SBF2: variants seen among roughly 807,000 people sequenced by gnomAD.
SBF2 encodes SET binding factor 2, also known as myotubularin-related protein 13.
In SBF2, 112 loss-of-function variants were observed where a neutral mutation model predicts 225.2. The observed-to-expected ratio is 0.50, with a 90% CI of 0.43 to 0.58. The LOEUF is 0.58. Ranked by LOEUF, SBF2 falls within the 20% of genes least tolerant of loss-of-function variation. The pLI is 0.00. For synonymous variants in SBF2, 763 were observed against 773.3 expected (o/e 0.99, Z 0.22); for missense variants, 1,996 against 2,206.2 (o/e 0.90, Z 1.91).
At chr11:9,988,529 G>C (rs1465179808) in intron 13 of SBF2, among the ~76,000 whole-genome samples, 1 of 152,002 alleles carries the variant, frequency 6.6e-6, no homozygotes, top group Non-Finnish European at 1.5e-5. Context: ...CGACTATCCA[G>C]AATCTACAAC....
chr11:9,937,293 A>G (rs1219108364), intron 16 of SBF2, among the ~76,000 whole-genome samples: 1 of 152,198 alleles, frequency 6.6e-6, no homozygotes, highest in Non-Finnish European at 1.5e-5. Context: ...GAAAAGATAA[A>G]GTTTTGTGGG....
intron 3 of SBF2, among the ~76,000 whole-genome samples, chr11:10,037,126 G>A (rs1301082108): frequency 6.6e-6 from 1 of 152,102 alleles, no homozygotes; most frequent in Non-Finnish European, 1.5e-5. Flanking sequence ...TTAAGATTCA[G>A]CATTCTGTCC....
chr11:10,101,829 GGA>G (rs1952320700), intron 2 of SBF2, among the ~76,000 whole-genome samples: 1 of 152,132 alleles, frequency 6.6e-6, no homozygotes, highest in African/African-American at 2.4e-5. Context: ...GTTCTGTAAT[GGA>G]GAGAGAGGTA....
intron 2 of SBF2, among the ~76,000 whole-genome samples, chr11:10,057,278 A>G (rs1388151565): frequency 6.6e-6 from 1 of 152,164 alleles, no homozygotes; most frequent in East Asian, 1.9e-4. Context: ...TGCCAGAACT[A>G]TCAAGCCAGT....
intron 9 of SBF2, among the ~76,000 whole-genome samples, chr11:9,997,675 G>C (rs1419156779): frequency 1.3e-5 from 2 of 152,230 alleles, no homozygotes; most frequent in Non-Finnish European, 2.9e-5. Flanking sequence ...CTACTCGGGA[G>C]GCTGAGGCAG....
At chr11:10,020,880 A>T (rs940944762) in intron 6 of SBF2, among the ~76,000 whole-genome samples, 1 of 144,962 alleles carries the variant, frequency 6.9e-6, no homozygotes, top group African/African-American at 2.5e-5. Context: ...TAATATTTGT[A>T]AGACAAACTG....
At chr11:10,054,175 A>G (rs1201057373) in intron 2 of SBF2, among the ~76,000 whole-genome samples, 1 of 152,214 alleles carries the variant, frequency 6.6e-6, no homozygotes, top group African/African-American at 2.4e-5. Flanking sequence ...TTACATCCAG[A>G]TATTTTATTA....
chr11:9,854,592 T>G (rs1290643275), intron 19 of SBF2, among the ~76,000 whole-genome samples: 2 of 152,170 alleles, frequency 1.3e-5, no homozygotes, highest in African/African-American at 4.8e-5. Flanking sequence ...TATATTTATT[T>G]ATTTATTTTA....
In SBF2 at chr11:10,016,267, G is replaced by A. The variant is rs77577156; in HGVS notation, c.619+12185C>T. On this transcript the variant is annotated intron_variant, in intron 6 of 39. Coordinates refer to ENST00000256190, the MANE Select transcript of SBF2 (RefSeq NM_030962.4). ...TTAGTAAAAACAATCAGTTGATATT[G>A]TCAAGGGAGGCAATGCTATACTATA... 3.3e-5 allele frequency among the ~76,000 whole-genome samples: 5 copies of A among 152,198 alleles called. No homozygotes were observed. The East Asian group carries it at 9.6e-4, about 29-fold the overall frequency.
At chr11:9,881,673 T>C (rs2134084842) in intron 17 of SBF2, among the ~76,000 whole-genome samples, 1 of 152,126 alleles carries the variant, frequency 6.6e-6, no homozygotes, top group East Asian at 1.9e-4. Context: ...TCAGCTAGCC[T>C]TCTTGGATGG....
chr11:10,299,801 A>G (rs56776911), intron 1 of SBF2, among the ~76,000 whole-genome samples: 75,200 of 151,954 alleles, frequency 0.49, 18,880 homozygotes, highest in Non-Finnish European at 0.54. Context: ...CCTTTCTTGC[A>G]CCTTTCTAAT....
intron 2 of SBF2, among the ~76,000 whole-genome samples, chr11:10,136,801 C>T (rs914232086): frequency 1.3e-5 from 2 of 152,188 alleles, no homozygotes; most frequent in Non-Finnish European, 2.9e-5. Context: ...AGAAGTGTTG[C>T]GAATAAAGAA....
At chr11:10,179,574 T>C (rs1444318874) in intron 2 of SBF2, among the ~76,000 whole-genome samples, 1 of 152,176 alleles carries the variant, frequency 6.6e-6, no homozygotes, top group Non-Finnish European at 1.5e-5. Flanking sequence ...GATGTTTCTT[T>C]ATTGAACTTT....
Position 10,277,049 on chromosome 11 carries a change from T to C in SBF2, c.55+16966A>G, listed in dbSNP as rs533935215. On this transcript the variant is annotated intron_variant, in intron 1 of 39. Transcript: ENST00000256190. ...GGGTTCCAGGCCAGCCTGGTGAACA[T>C]AGGGAGACCCCATCTCTACAAAAAA... is the stretch of plus-strand genomic sequence containing the variant. 2.6e-4 allele frequency among the ~76,000 whole-genome samples: 36 copies of C among 136,432 alleles called. No homozygotes were observed. The South Asian group carries it at 3.8e-3, about 15-fold the overall frequency. The allele number at this position is 136,432 out of a possible 152,430, so 89.5% of individuals were successfully genotyped here.
rs562814861 is a variant in SBF2, at chr11:9,917,116, T to C, written c.1861-21105A>G. Among the ~76,000 whole-genome samples the C allele has an allele frequency of 6.3e-4, 95 of 151,934 alleles. No homozygotes were observed. The South Asian group carries it at 0.019, about 30-fold the overall frequency. Reference sequence around the variant, plus strand: ...CAATATGAAAGATCTAGGAAATACATGTAAGTGAAAAGAAAGCAAAATATC... The same window carrying C: ...CAATATGAAAGATCTAGGAAATACACGTAAGTGAAAAGAAAGCAAAATATC... On this transcript the variant is annotated intron_variant, in intron 16 of 39. Transcript: ENST00000256190.
At chr11:9,783,676 C>T (rs1852180575) in intron 38 of SBF2, among the ~76,000 whole-genome samples, 1 of 152,166 alleles carries the variant, frequency 6.6e-6, no homozygotes, top group Non-Finnish European at 1.5e-5. Flanking sequence ...TAGCTAAGAA[C>T]CTAACAGTAG....
At chr11:9,874,691 A>C (rs1236804528) in intron 17 of SBF2, among the ~76,000 whole-genome samples, 2 of 152,192 alleles carry the variant, frequency 1.3e-5, no homozygotes, top group Non-Finnish European at 2.9e-5. Context: ...TGATTCACTG[A>C]GGTACTGCCT....
intron 36 of SBF2, among the ~76,000 whole-genome samples, chr11:9,787,390 T>C (rs999998855): frequency 2.6e-5 from 4 of 152,112 alleles, no homozygotes; most frequent in Admixed American, 6.5e-5. Context: ...ACCCAATACT[T>C]TTCCTTGGAT....
chr11:10,082,148 C>G (rs955633489), intron 2 of SBF2, among the ~76,000 whole-genome samples: 3 of 152,124 alleles, frequency 2.0e-5, no homozygotes, highest in Non-Finnish European at 1.5e-5. Context: ...GGATAAGTTC[C>G]TGGAAACACA....
Sources: gnomAD v4.1 joint callset for allele counts (sites outside exome capture counted in the v4.1 genomes callset) on GRCh38, gnomAD v4.1.1 for gene constraint, MANE v1.5 for transcripts, NCBI Gene and HGNC (gene_info 2026-07-23, HGNC 2026-07-21) for gene names.